The following SPRING1 variants were observed in gnomAD, a reference collection of about 807,000 sequenced individuals.
SPRING1 encodes SREBF pathway regulator in golgi 1, also known as SREBP regulating gene protein.
Under a neutral mutation model 24.7 loss-of-function variants are expected in SPRING1, and 14 were observed. The observed-to-expected ratio is 0.57, with a 90% CI of 0.37 to 0.88. The LOEUF (loss-of-function observed/expected upper bound fraction) is 0.88, where lower values mean the gene tolerates loss of function less well. SPRING1 is among the 40% of genes least tolerant of loss of function. The pLI, the probability that SPRING1 is intolerant of heterozygous loss-of-function variation, is 0.00. For missense variants in SPRING1, 255 were observed against 268.4 expected (o/e 0.95, Z 0.35); for synonymous variants, 93 against 106.1 (o/e 0.88, Z 0.76).
At chr12:116,719,579 C>T (rs1870316924) in intron 4 of SPRING1, among the ~76,000 whole-genome samples, 184 bp downstream of exon 4, 1 of 152,218 alleles carries the variant, frequency 6.6e-6, no homozygotes, top group Non-Finnish European at 1.5e-5. Context: ...GCTTCACCTC[C>T]CCTAACTTGT....
rs960360185 is a variant in SPRING1, at chr12:116,717,732, T to C, written c.*78A>G. On this transcript the variant is annotated 3_prime_UTR_variant, in exon 5 of 5. Transcript: ENST00000261318. The surrounding 1 kb of genome is among the most constrained non-coding windows in gnomAD (Gnocchi z 4.2). ...GTCTTCTTCCTGCAGCCTGGCCCGA[T>C]GGCTGAAGCTGGGTCCCAGGAGGCG... 1 of 1,289,036 alleles carries C rather than the reference T, an allele frequency of 7.8e-7. No homozygotes were observed. The highest frequency in any genetic ancestry group is 1.1e-6 in the Non-Finnish European group (1 of 933,222). 79.8% of individuals were successfully genotyped at this position (1,289,036 alleles called of 1,614,324 possible).
chr12:116,719,686 T>C (rs1023332765), intron 4 of SPRING1, 77 bp downstream of exon 4: 6 of 1,233,374 alleles, frequency 4.9e-6, no homozygotes, highest in Non-Finnish European at 5.9e-6. Context: ...ACCAAAAGGA[T>C]CGACAGTGTG....
chr12:116,716,414 G>A lies in SPRING1; in HGVS notation c.*1396C>T, dbSNP rs116482702. On this transcript the variant is annotated 3_prime_UTR_variant, in exon 5 of 5. Transcript: ENST00000261318. The stretch of plus-strand genomic sequence containing the variant: ...AGCACCTTGCTCCCAGGTCAATAAA[G>A]TGAACCAAAAAAATTACAAAGACCT... The A allele has an allele frequency of 1.8e-4, 27 of 152,580 alleles. No individual in the cohort carries two copies. Among genetic ancestry groups the A allele is most frequent in the African/African-American group, 6.3e-4 (26 of 41,586 alleles). 9.5% of individuals were successfully genotyped at this position (152,580 alleles called of 1,614,324 possible).
chr12:116,736,621 T>C (rs539332380), intron 1 of SPRING1, among the ~76,000 whole-genome samples: 1 of 152,268 alleles, frequency 6.6e-6, no homozygotes, highest in South Asian at 2.1e-4. Flanking sequence ...AAGGAGAGCT[T>C]TTTATAACCA....
intron 1 of SPRING1, among the ~76,000 whole-genome samples, chr12:116,725,900 A>G (rs1051025880): frequency 3.9e-5 from 6 of 152,112 alleles, no homozygotes; most frequent in Admixed American, 1.3e-4. Context: ...AAAAAAAAAG[A>G]ACTTTTCTGT....
chr12:116,723,131 G>A lies in SPRING1; in HGVS notation c.204C>T (p.Ser68=). The A allele has an allele frequency of 6.2e-7, 1 of 1,613,320 alleles. No homozygotes were observed. The highest frequency in any genetic ancestry group is 8.5e-7 in the Non-Finnish European group (1 of 1,180,042). The change falls in exon 2 of 5, where the codon AGC becomes AGT. Residue 68 remains serine, a synonymous_variant. Transcript: ENST00000261318. ...TGCGGCACTGATTGCTCGGACGACTGCTATTGCCCAAGTTAAACTGCACTT... is the reference window on the plus strand; with the variant it reads ...TGCGGCACTGATTGCTCGGACGACTACTATTGCCCAAGTTAAACTGCACTT... ...PWKVQFNLGN[S]SRPSNQCRNS...
rs151039775 is a variant in SPRING1, at chr12:116,723,077, C to T, written c.258G>A (p.Thr86=). 9 of 1,612,268 alleles carry T rather than the reference C, an allele frequency of 5.6e-6. No homozygotes were observed. The highest frequency in any genetic ancestry group is 4.5e-5 in the East Asian group (2 of 44,904). ...GGAAGCCAGCCTCACCGAGTTCATC[C>T]GTGATGAGGTGCTTCCCTTGAATGG... ...RNSIQGKHLI[T]DELGYVCERK... is the part of the protein sequence containing the mutation. Residue 86 remains threonine, a synonymous_variant, in exon 2 of 5, where the codon ACG becomes ACA. Coordinates refer to ENST00000261318, the MANE Select transcript of SPRING1 (RefSeq NM_024738.4).
Position 116,719,846 on chromosome 12 carries a change from C to G in SPRING1, c.451G>C (p.Ala151Pro). The G allele has an allele frequency of 6.2e-7, 1 of 1,614,138 alleles. No individual in the cohort carries two copies. Among genetic ancestry groups the G allele is most frequent in the Non-Finnish European group, 8.5e-7 (1 of 1,180,026 alleles). ...AAGAGGTTCTGGAATGCCACGGCTGCCCGGTTGAGGAAGCGCTCCAGGAGA... is the reference window on the plus strand; with the variant it reads ...AAGAGGTTCTGGAATGCCACGGCTGGCCGGTTGAGGAAGCGCTCCAGGAGA... ...QLLLERFLNR[A>P]AVAFQNLFMA... Residue 151 changes from alanine to proline, a missense_variant, in exon 4 of 5, where the codon GCA becomes CCA. Transcript: ENST00000261318.
At chr12:116,724,717 A>G (rs1870601444) in intron 1 of SPRING1, among the ~76,000 whole-genome samples, 1 of 152,222 alleles carries the variant, frequency 6.6e-6, no homozygotes, top group Non-Finnish European at 1.5e-5. Context: ...CCAATAACAG[A>G]GAAATGACTG....
chr12:116,731,210 G>T (rs763470050), intron 1 of SPRING1, among the ~76,000 whole-genome samples: 4 of 152,302 alleles, frequency 2.6e-5, no homozygotes, highest in African/African-American at 9.6e-5. Flanking sequence ...AAGTATGGCC[G>T]TGAAGAATAC....
In SPRING1 at chr12:116,717,031, T is replaced by G. The variant is rs369097128; in HGVS notation, c.*779A>C. Reference sequence around the variant, plus strand: ...AATTAGATTTCTGCTAAAACAGTGCTCTCCATAGGGTATATGAGCACATTC... The same window carrying G: ...AATTAGATTTCTGCTAAAACAGTGCGCTCCATAGGGTATATGAGCACATTC... On this transcript the variant is annotated 3_prime_UTR_variant, in exon 5 of 5. Coordinates refer to ENST00000261318, the MANE Select transcript of SPRING1 (RefSeq NM_024738.4). This position sits in a 1 kb window ranked among gnomAD's most constrained non-coding sequence, Gnocchi z 4.2. The G allele has an allele frequency of 2.6e-4, 39 of 152,202 alleles. No individual in the cohort carries two copies. The highest frequency in any genetic ancestry group is 8.4e-4 in the African/African-American group (35 of 41,526). 9.4% of individuals were successfully genotyped at this position (152,202 alleles called of 1,614,324 possible).
At chr12:116,725,039 AT>A (rs1353657011) in intron 1 of SPRING1, among the ~76,000 whole-genome samples, 1 of 152,220 alleles carries the variant, frequency 6.6e-6, no homozygotes, top group Non-Finnish European at 1.5e-5. Flanking sequence ...TATGATAATA[AT>A]TATGATAATA....
chr12:116,715,529 C>T lies in SPRING1; in HGVS notation c.*2281G>A, dbSNP rs1026443159. 2 of 152,142 alleles carry T rather than the reference C, an allele frequency of 1.3e-5. No individual in the cohort carries two copies. Among genetic ancestry groups the T allele is most frequent in the Non-Finnish European group, 2.9e-5 (2 of 68,030 alleles). 9.4% of individuals were successfully genotyped at this position (152,142 alleles called of 1,614,324 possible). A position where few individuals can be genotyped will look rare whatever the true frequency, so the allele number is the denominator to read the frequency against. ...AACACACCCCTAGCTGATTGAAATACAAAAAACATATTCCACAGCCAAATG... is the reference window on the plus strand; with the variant it reads ...AACACACCCCTAGCTGATTGAAATATAAAAAACATATTCCACAGCCAAATG... On this transcript the variant is annotated 3_prime_UTR_variant, in exon 5 of 5. Transcript: ENST00000261318.
At chr12:116,736,755 C>T (rs534680888) in intron 1 of SPRING1, among the ~76,000 whole-genome samples, 1 of 152,140 alleles carries the variant, frequency 6.6e-6, no homozygotes, top group African/African-American at 2.4e-5. Context: ...GTAAGATTTC[C>T]CCACCCGTGC....
At chr12:116,731,279 A>G (rs1272326419) in intron 1 of SPRING1, among the ~76,000 whole-genome samples, 1 of 151,982 alleles carries the variant, frequency 6.6e-6, no homozygotes, top group East Asian at 1.9e-4. Context: ...TACTGGCTTG[A>G]CCCCCCATGA....
chr12:116,735,458 G>A (rs1285305590), intron 1 of SPRING1, among the ~76,000 whole-genome samples: 3 of 152,228 alleles, frequency 2.0e-5, no homozygotes, highest in Non-Finnish European at 2.9e-5. Flanking sequence ...GGGGCCGGGC[G>A]TGGTGGCTGA....
chr12:116,719,980 G>A (rs2137032040), intron 3 of SPRING1, 104 bp from the exon 4 acceptor site: 2 of 1,013,110 alleles, frequency 2.0e-6, no homozygotes, highest in East Asian at 2.5e-5. Flanking sequence ...AGGGAAGGGG[G>A]GAAGAGGAGG....
intron 1 of SPRING1, among the ~76,000 whole-genome samples, chr12:116,726,856 G>T (rs1164377036): frequency 6.6e-6 from 1 of 152,188 alleles, no homozygotes; most frequent in Non-Finnish European, 1.5e-5. Flanking sequence ...GAAAACAAGA[G>T]TTCACAGTCA....
At chr12:116,722,809 C>T (rs983241861) in intron 2 of SPRING1, among the ~76,000 whole-genome samples, 2 of 152,092 alleles carry the variant, frequency 1.3e-5, no homozygotes, top group Non-Finnish European at 2.9e-5. Context: ...GGGACTGATG[C>T]GTGACACAGT....
Sources: gnomAD v4.1 joint callset for allele counts (sites outside exome capture counted in the v4.1 genomes callset) on GRCh38, gnomAD v4.1.1 for gene constraint, Gnocchi (gnomAD v3.1) non-coding constraint, MANE v1.5 for transcripts, NCBI Gene and HGNC (gene_info 2026-07-23, HGNC 2026-07-21) for gene names.